The following HIGD1C variants were observed in gnomAD, a reference collection of about 807,000 sequenced individuals.
The protein encoded by HIGD1C is HIG1 domain family member 1C.
A neutral mutation model predicts 13.1 loss-of-function variants in HIGD1C; 11 were observed. The ratio of observed to expected loss-of-function variants is 0.84; its 90% CI spans 0.53 to 1.39. The LOEUF is 1.39. Ranked by LOEUF, HIGD1C falls within the 40% of genes most tolerant of loss-of-function variation. The pLI, the probability that HIGD1C is intolerant of heterozygous loss-of-function variation, is 0.00. For missense variants in HIGD1C, 110 were observed against 112.0 expected (o/e 0.98, Z 0.08); for synonymous variants, 36 against 37.7 (o/e 0.95, Z 0.17).
At chr12:50,938,112 C>T in the HIGD1C span, among the ~76,000 whole-genome samples, 1 of 152,120 alleles carries the variant, frequency 6.6e-6, no homozygotes, top group Non-Finnish European at 1.5e-5. Flanking sequence ...CCTCCCTCCG[C>T]CATCAATATG....
downstream of HIGD1C, among the ~76,000 whole-genome samples, chr12:50,972,500 A>T (rs1440481353): frequency 6.6e-5 from 10 of 152,196 alleles, no homozygotes. Context: ...AGCCATTGCC[A>T]TGTTCTGGGG....
downstream of HIGD1C, chr12:50,970,564 G>A (rs903368824): frequency 2.4e-4 from 259 of 1,083,744 alleles, 2 homozygotes; most frequent in East Asian, 6.7e-3. Flanking sequence ...TTATTATGAA[G>A]AATAAATTTT....
intron 1 of HIGD1C, among the ~76,000 whole-genome samples, chr12:50,955,389 A>C (rs1287170228): frequency 6.6e-6 from 1 of 151,994 alleles, no homozygotes; most frequent in African/African-American, 2.4e-5. Flanking sequence ...ACTTTAAAAA[A>C]CCCCACAAAA....
chr12:50,971,964 A>C (rs190068099), downstream of HIGD1C, among the ~76,000 whole-genome samples: 69 of 152,368 alleles, frequency 4.5e-4, no homozygotes, highest in Admixed American at 1.4e-3. Context: ...ATCTATCATG[A>C]AGATCTTCTA....
upstream of HIGD1C, among the ~76,000 whole-genome samples, chr12:50,951,777 C>G (rs1386564597): frequency 6.6e-6 from 1 of 151,722 alleles, no homozygotes; most frequent in East Asian, 1.9e-4. Context: ...AAAAAATTAG[C>G]CGGGCGTGGT....
Position 50,961,059 on chromosome 12 carries a change from G to A in HIGD1C, c.186G>A (p.Met62Ile), listed in dbSNP as rs145639855. 1,682 of 1,612,482 alleles carry A rather than the reference G, an allele frequency of 1.0e-3. 15 individuals are homozygous for A. The East Asian group carries it at 0.018, about 17-fold the overall frequency. The change falls in exon 2 of 3, where the codon ATG becomes ATA. Residue 62 changes from methionine (M) to isoleucine (I), a missense_variant. Coordinates refer to ENST00000398455, the Ensembl canonical transcript of HIGD1C. ...AAATGTCAATTCATCTTATTCACAT[G>A]AGAGTTGCTGCCCAAGGATTTGTTG...
chr12:50,961,569 A>G (rs1017055704), intron 2 of HIGD1C, among the ~76,000 whole-genome samples: 2 of 152,224 alleles, frequency 1.3e-5, no homozygotes, highest in Admixed American at 1.3e-4. Flanking sequence ...AGTTTCAGCA[A>G]TAGGCAAATC....
intron 2 of HIGD1C, among the ~76,000 whole-genome samples, chr12:50,969,710 A>C (rs1025098562): frequency 1.2e-4 from 18 of 151,964 alleles, no homozygotes; most frequent in Non-Finnish European, 1.9e-4. Context: ...CTCAAAAAAA[A>C]AAAAACAAAA....
At chr12:50,951,911 A>G (rs182980587), upstream of HIGD1C, among the ~76,000 whole-genome samples, 20 of 147,048 alleles carry the variant, frequency 1.4e-4, no homozygotes, top group East Asian at 2.0e-3. Context: ...GACAAGAGCG[A>G]AACTCCATCT....
chr12:50,953,807 C>G, upstream of HIGD1C: 1 of 520,624 alleles, frequency 1.9e-6, no homozygotes, highest in Non-Finnish European at 3.4e-6. Context: ...TATCCCCTTC[C>G]CCTGCAAAAT....
the HIGD1C span, among the ~76,000 whole-genome samples, chr12:50,947,601 C>T: frequency 6.6e-6 from 1 of 152,080 alleles, no homozygotes; most frequent in Non-Finnish European, 1.5e-5. Context: ...TATTAGCAAC[C>T]TTAATTCCAT....
chr12:50,946,995 A>T, the HIGD1C span, among the ~76,000 whole-genome samples: 1 of 152,138 alleles, frequency 6.6e-6, no homozygotes, highest in Non-Finnish European at 1.5e-5. Flanking sequence ...CCTTCTTAAG[A>T]TGTTCTTCCA....
At chr12:50,944,437 C>T in the HIGD1C span, among the ~76,000 whole-genome samples, 1 of 152,168 alleles carries the variant, frequency 6.6e-6, no homozygotes, top group Non-Finnish European at 1.5e-5. Context: ...GGGCAAATCA[C>T]TTGAGGTTGG....
chr12:50,935,235 A>G, the HIGD1C span: 1 of 152,234 alleles, frequency 6.6e-6, no homozygotes, highest in Admixed American at 6.5e-5. Flanking sequence ...AACTCTCTCA[A>G]TATTTAAAAC....
chr12:50,966,813 A>G (rs200511132), intron 2 of HIGD1C, among the ~76,000 whole-genome samples: 1 of 133,300 alleles, frequency 7.5e-6, no homozygotes, highest in Non-Finnish European at 1.7e-5. Context: ...ATGGTTTAAC[A>G]TAAGTGACTT....
At chr12:50,940,529 G>C in the HIGD1C span, among the ~76,000 whole-genome samples, 1 of 151,954 alleles carries the variant, frequency 6.6e-6, no homozygotes, top group East Asian at 1.9e-4. Context: ...GACCTAACTG[G>C]GCAACACGGT....
chr12:50,966,473 G>C (rs1939545101), intron 2 of HIGD1C, among the ~76,000 whole-genome samples: 1 of 152,040 alleles, frequency 6.6e-6, no homozygotes, highest in African/African-American at 2.4e-5. Flanking sequence ...CAGCATCCCT[G>C]GTCTCCACCC....
intron 1 of HIGD1C, among the ~76,000 whole-genome samples, chr12:50,955,245 G>A (rs1357414167): frequency 6.6e-6 from 1 of 152,026 alleles, no homozygotes; most frequent in African/African-American, 2.4e-5. Context: ...TGCAGAGCGA[G>A]ACTCCATCTC....
At chr12:50,957,347 C>G (rs970551332) in intron 1 of HIGD1C, among the ~76,000 whole-genome samples, 2 of 151,310 alleles carry the variant, frequency 1.3e-5, no homozygotes, top group East Asian at 2.0e-4. Flanking sequence ...AGTAAGCATG[C>G]GCCACCACAC....
Sources: gnomAD v4.1 joint callset for allele counts (sites outside exome capture counted in the v4.1 genomes callset) on GRCh38, gnomAD v4.1.1 for gene constraint, MANE v1.5 for transcripts, NCBI Gene and HGNC (gene_info 2026-07-23, HGNC 2026-07-21) for gene names.